The following PIK3C2G variants were observed in gnomAD, a reference collection of about 807,000 sequenced individuals.
PIK3C2G encodes the protein phosphatidylinositol 3-kinase C2 domain-containing subunit gamma.
PIK3C2G carries 168 observed loss-of-function variants against 181.1 expected under a neutral mutation model. The ratio of observed to expected loss-of-function variants is 0.93; its 90% CI spans 0.82 to 1.05. The LOEUF (loss-of-function observed/expected upper bound fraction) is 1.05. PIK3C2G is among the 50% of genes least tolerant of loss of function. The pLI, the probability that PIK3C2G is intolerant of heterozygous loss-of-function variation, is 0.00. For missense variants in PIK3C2G, 1,869 were observed against 1,732.8 expected (o/e 1.08, Z -1.40); for synonymous variants, 573 against 592.2 (o/e 0.97, Z 0.47).
intron 18 of PIK3C2G, among the ~76,000 whole-genome samples, chr12:18,469,887 G>C (rs1219749959): frequency 1.3e-5 from 2 of 148,148 alleles, no homozygotes; most frequent in Admixed American, 6.8e-5. Context: ...GTCAAGTGTG[G>C]TAAAACAAAA....
intron 32 of PIK3C2G, among the ~76,000 whole-genome samples, chr12:18,641,236 C>G (rs1034567709): frequency 6.6e-6 from 1 of 152,156 alleles, no homozygotes; most frequent in South Asian, 2.1e-4. Context: ...CTCACTATCA[C>G]CTCCAAACTT....
the PIK3C2G span, among the ~76,000 whole-genome samples, chr12:18,722,922 A>G: frequency 6.6e-6 from 1 of 152,148 alleles, no homozygotes; most frequent in South Asian, 2.1e-4. Context: ...TTTCAATAAT[A>G]TAATGCATTA....
intron 31 of PIK3C2G, among the ~76,000 whole-genome samples, chr12:18,624,598 G>C (rs1195779302): frequency 4.0e-5 from 6 of 151,570 alleles, no homozygotes; most frequent in Non-Finnish European, 8.9e-5. Context: ...TTTTGGCAAA[G>C]TTTGTGGCAA....
chr12:18,461,807 G>C (rs1947934104), intron 18 of PIK3C2G, among the ~76,000 whole-genome samples: 1 of 152,158 alleles, frequency 6.6e-6, no homozygotes, highest in African/African-American at 2.4e-5. Context: ...ACTCAGAACT[G>C]TGAAAAACAA....
intron 4 of PIK3C2G, among the ~76,000 whole-genome samples, chr12:18,291,594 G>C (rs1158878057): frequency 6.6e-6 from 1 of 152,064 alleles, no homozygotes. Context: ...AAGTTATTTA[G>C]TATCTTACTT....
At chr12:18,287,431 T>C (rs1949494899) in intron 3 of PIK3C2G, among the ~76,000 whole-genome samples, 1 of 152,256 alleles carries the variant, frequency 6.6e-6, no homozygotes, top group African/African-American at 2.4e-5. Flanking sequence ...AAATCACTGA[T>C]ATTTTGTTAA....
chr12:18,327,268 G>T (rs1951387408), intron 8 of PIK3C2G, among the ~76,000 whole-genome samples: 1 of 152,066 alleles, frequency 6.6e-6, no homozygotes, highest in Non-Finnish European at 1.5e-5. Context: ...GACAGACTAT[G>T]ATATTATCAG....
At chr12:18,257,137 T>C (rs1948153430), upstream of PIK3C2G, among the ~76,000 whole-genome samples, 1 of 152,120 alleles carries the variant, frequency 6.6e-6, no homozygotes, top group African/African-American at 2.4e-5. Context: ...TCTGTTTAAA[T>C]TCCATGGTCT....
intron 9 of PIK3C2G, among the ~76,000 whole-genome samples, chr12:18,340,457 T>C (rs896484307): frequency 1.4e-4 from 22 of 152,152 alleles, no homozygotes; most frequent in Admixed American, 2.6e-4. Context: ...AACAACTATT[T>C]TGATGAGCTT....
At chr12:18,599,009 A>G (rs1947543448) in intron 30 of PIK3C2G, among the ~76,000 whole-genome samples, 1 of 150,644 alleles carries the variant, frequency 6.6e-6, no homozygotes, top group South Asian at 2.1e-4. Flanking sequence ...CAGGTGCTGG[A>G]GAGGATGTGG....
At chr12:18,302,412 G>T (rs1950213408) in intron 5 of PIK3C2G, among the ~76,000 whole-genome samples, 1 of 152,186 alleles carries the variant, frequency 6.6e-6, no homozygotes, top group African/African-American at 2.4e-5. Context: ...TCCAGCAGTG[G>T]TGGTGGTGCC....
intron 30 of PIK3C2G, among the ~76,000 whole-genome samples, chr12:18,606,964 A>C (rs1295752853): frequency 6.6e-6 from 1 of 152,150 alleles, no homozygotes; most frequent in Non-Finnish European, 1.5e-5. Context: ...TTATTAAATA[A>C]ATGTTTAATG....
intron 8 of PIK3C2G, among the ~76,000 whole-genome samples, chr12:18,331,376 A>G (rs1054855469): frequency 6.6e-6 from 1 of 152,144 alleles, no homozygotes; most frequent in Admixed American, 6.5e-5. Flanking sequence ...ACAATTTAGC[A>G]TAGAGATTAT....
At position 18,538,332 on chromosome 12, in the gene PIK3C2G, A is replaced by T. The variant is rs181353161; in HGVS notation, c.3480+20A>T. On this transcript the variant is annotated intron_variant, in intron 25 of 32. Transcript: ENST00000538779. ...GAAATGGTAAGTCCCTTGGGAAAAA[A>T]AAACAAAAATAATAAGCTTCATTTA... The T allele has an allele frequency of 2.5e-3, 3,955 of 1,573,862 alleles. 11 individuals carry two copies. Among genetic ancestry groups the T allele is most frequent in the Non-Finnish European group, 2.9e-3 (3,353 of 1,166,262 alleles).
intron 18 of PIK3C2G, among the ~76,000 whole-genome samples, chr12:18,439,276 G>T (rs1445160989): frequency 1.3e-5 from 2 of 151,918 alleles, no homozygotes; most frequent in African/African-American, 4.8e-5. Flanking sequence ...AACATACAGA[G>T]AAATCTAACA....
chr12:18,503,180 G>A (rs1048033633), intron 22 of PIK3C2G, 101 bp from the exon 23 acceptor site: 2 of 748,602 alleles, frequency 2.7e-6, no homozygotes, highest in Admixed American at 3.1e-5. Flanking sequence ...AAAGGAAAGG[G>A]GTAATCCAGT....
At chr12:18,645,567 T>G (rs1950082468) in intron 32 of PIK3C2G, among the ~76,000 whole-genome samples, 1 of 152,126 alleles carries the variant, frequency 6.6e-6, no homozygotes, top group Admixed American at 6.6e-5. Context: ...TCTGGAAGGG[T>G]TTTCTCCAGT....
intron 6 of PIK3C2G, among the ~76,000 whole-genome samples, chr12:18,316,353 C>T (rs1950861070): frequency 6.6e-6 from 1 of 152,138 alleles, no homozygotes; most frequent in Non-Finnish European, 1.5e-5. Context: ...AATCATATTG[C>T]TGTCATCACC....
intron 20 of PIK3C2G, among the ~76,000 whole-genome samples, chr12:18,494,268 T>A (rs1196450953): frequency 2.0e-5 from 3 of 152,174 alleles, no homozygotes; most frequent in Non-Finnish European, 4.4e-5. Context: ...TTCTGTCTAT[T>A]TGCTAATCTA....
Sources: allele counts gnomAD v4.1 joint callset (sites outside exome capture counted in the v4.1 genomes callset), GRCh38; gene constraint gnomAD v4.1.1; transcripts MANE v1.5; gene names NCBI Gene and HGNC (gene_info 2026-07-23, HGNC 2026-07-21).